The following GLYR1 variants were observed in gnomAD, a reference collection of about 807,000 sequenced individuals.
The protein encoded by GLYR1 is cytokine-like nuclear factor N-PAC.
A neutral mutation model predicts 72.7 loss-of-function variants in GLYR1; 21 were observed. That is an observed-to-expected ratio of 0.29 (90% CI 0.20 to 0.42). The LOEUF is 0.42. GLYR1 is among the 10% of genes least tolerant of loss of function. GLYR1 has a pLI of 1.00. For synonymous variants in GLYR1, 392 were observed against 270.2 expected, an observed-to-expected ratio of 1.45 and a Z score of -4.42; for missense variants, 594 against 712.1, an observed-to-expected ratio of 0.83 and a Z score of 1.89.
intron 8 of GLYR1, 40 bp downstream of exon 8, chr16:4,821,507 C>T: frequency 6.2e-7 from 1 of 1,613,914 alleles, no homozygotes. Flanking sequence ...TTTAAGGCCC[C>T]AGGTGAAAAT....
chr16:4,817,794 G>C (rs2083744682), intron 9 of GLYR1, 97 bp from the exon 10 acceptor site: 1 of 776,450 alleles, frequency 1.3e-6, no homozygotes, highest in South Asian at 1.5e-5. Flanking sequence ...TATACAGCTT[G>C]GGGTAGGGGA....
Position 4,811,220 on chromosome 16 carries a change from G to A in GLYR1, c.1537C>T (p.Leu513=), listed in dbSNP as rs371656023. The change falls in exon 15 of 16, where the codon CTG becomes TTG. Residue 513 remains leucine, a synonymous_variant. Coordinates refer to ENST00000321919, the MANE Select transcript of GLYR1 (RefSeq NM_032569.4). ...GTCGGATGGTTGACCGCATCACCCA[G>A]CGCAATGGCTAAGCGGAGATCCTTC... The part of the protein sequence containing the change: ...IQKDLRLAIA[L]GDAVNHPTPM... The A allele has an allele frequency of 6.8e-6, 11 of 1,614,028 alleles. No homozygotes were observed. The highest frequency in any genetic ancestry group is 8.5e-6 in the Non-Finnish European group (10 of 1,180,028).
intron 3 of GLYR1, chr16:4,843,671 A>C: frequency 1.6e-6 from 2 of 1,267,920 alleles, no homozygotes; most frequent in South Asian, 2.5e-5. Flanking sequence ...TACTGTTTAT[A>C]ATATATCGCT....
Position 4,806,969 on chromosome 16 carries a change from G to T in GLYR1, c.1588-1659C>A, listed in dbSNP as rs190676330. On this transcript the variant is annotated intron_variant, in intron 15 of 15. Transcript: ENST00000321919. Reference sequence around the variant, plus strand: ...CTACAGGCGCCCGCCACCACGCCTGGCTAATTTTTTGTATTTTTAGTAGAG... The same window carrying T: ...CTACAGGCGCCCGCCACCACGCCTGTCTAATTTTTTGTATTTTTAGTAGAG... Among the ~76,000 whole-genome samples, 1,177 of 151,818 alleles carry T rather than the reference G, an allele frequency of 7.8e-3. 10 individuals carry two copies. Among genetic ancestry groups the T allele is most frequent in the African/African-American group, 0.027 (1,125 of 41,406 alleles).
chr16:4,832,146 C>G lies in GLYR1; in HGVS notation c.370G>C (p.Asp124His). 6.2e-7 allele frequency: 1 copy of G among 1,614,216 alleles called. No homozygotes were observed. Among genetic ancestry groups the G allele is most frequent in the Non-Finnish European group, 8.5e-7 (1 of 1,180,042 alleles). Residue 124 changes from aspartate to histidine, a missense_variant, in exon 5 of 16, where the codon GAT becomes CAT. Asp to His is a moderately conservative substitution (Grantham distance 81). Transcript: ENST00000321919. ...GACAGGCTAAGTTTGCGCTTCTCAT[C>G]ACCTGAGTTTGGCCTACTTCTCTCC... Reference protein sequence around the residue: ...SEERSRPNSGDEKRKLSLSEG... With the variant: ...SEERSRPNSGHEKRKLSLSEG...
intron 10 of GLYR1, 126 bp from the exon 11 acceptor site, chr16:4,814,773 T>G: frequency 2.7e-6 from 2 of 736,280 alleles, no homozygotes; most frequent in East Asian, 5.4e-5. Context: ...GCCGGGAGCC[T>G]GGGTCATGGA....
rs373277514 is a variant in GLYR1 at position 4,820,318 on chromosome 16, G to GA, written c.806+1061dup. On this transcript the variant is annotated intron_variant, in intron 9 of 15. Coordinates refer to ENST00000321919, the MANE Select transcript of GLYR1 (RefSeq NM_032569.4). ...GTTCTGGATTTTTAATATGGCAACT[G>GA]AGAGTCCTTCACACTGTGTCTCAGA... 7.2e-3 allele frequency among the ~76,000 whole-genome samples: 1,100 copies of GA among 152,280 alleles called. 20 individuals carry two copies. The highest frequency in any genetic ancestry group is 0.025 in the African/African-American group (1,027 of 41,552).
At chr16:4,810,740 G>T (rs11076847) in intron 15 of GLYR1, among the ~76,000 whole-genome samples, 1 of 137,540 alleles carries the variant, frequency 7.3e-6, no homozygotes, top group African/African-American at 2.8e-5. Flanking sequence ...AAAATTAGCC[G>T]GGCGTGGTGG....
At chr16:4,806,957 C>A (rs2083020942) in intron 15 of GLYR1, among the ~76,000 whole-genome samples, 1 of 151,702 alleles carries the variant, frequency 6.6e-6, no homozygotes, top group Non-Finnish European at 1.5e-5. Flanking sequence ...CAGGCGCCCG[C>A]CACCACGCCT....
intron 5 of GLYR1, among the ~76,000 whole-genome samples, chr16:4,830,609 C>T (rs1229287516): frequency 6.6e-6 from 1 of 152,152 alleles, no homozygotes; most frequent in African/African-American, 2.4e-5. Flanking sequence ...GTCTAATGTT[C>T]CATCATGGCC....
Position 4,831,880 on chromosome 16 carries a change from G to C in GLYR1, c.537+99C>G, listed in dbSNP as rs1272817996. The stretch of plus-strand genomic sequence containing the variant: ...ATTCTGCTCCCACTCCATGAGCAGA[G>C]TATAGATAAGCATACTACATAAGCA... On this transcript the variant is annotated intron_variant, in intron 5 of 15. Coordinates refer to ENST00000321919, the MANE Select transcript of GLYR1 (RefSeq NM_032569.4). The C allele has an allele frequency of 1.7e-5, 25 of 1,484,940 alleles. No homozygotes were observed. In the East Asian group the frequency reaches 4.6e-4, roughly 27 times the overall value. 92.0% of individuals were successfully genotyped at this position (1,484,940 alleles called of 1,614,324 possible).
intron 3 of GLYR1, among the ~76,000 whole-genome samples, chr16:4,838,623 G>A (rs1304831795): frequency 6.7e-6 from 1 of 150,070 alleles, no homozygotes; most frequent in Non-Finnish European, 1.5e-5. Context: ...GTCTCACTCT[G>A]TTGCCCAGGC....
chr16:4,837,944 T>G (rs1056622386), intron 3 of GLYR1, among the ~76,000 whole-genome samples: 12 of 127,954 alleles, frequency 9.4e-5, no homozygotes, highest in African/African-American at 3.4e-4. Flanking sequence ...AATAAATAAA[T>G]AAATAAATAA....
At chr16:4,817,574 C>G (rs1397380009) in intron 10 of GLYR1, 24 bp downstream of exon 10, 2 of 1,458,468 alleles carry the variant, frequency 1.4e-6, no homozygotes, top group South Asian at 1.1e-5. Flanking sequence ...ACCGATCCAA[C>G]AGGCACCACC....
At chr16:4,829,852 T>A (rs1199385282) in intron 5 of GLYR1, among the ~76,000 whole-genome samples, 1 of 152,116 alleles carries the variant, frequency 6.6e-6, no homozygotes, top group African/African-American at 2.4e-5. Flanking sequence ...TTTGTATTTT[T>A]AGTAGAGACG....
At position 4,831,730 on chromosome 16, in the gene GLYR1, T is replaced by C. The variant is rs534927876; in HGVS notation, c.537+249A>G. On this transcript the variant is annotated intron_variant, in intron 5 of 15. Coordinates refer to ENST00000321919, the MANE Select transcript of GLYR1 (RefSeq NM_032569.4). ...CTCCATCACCCAGGCTAGAATGCAG[T>C]GGTGCAATCGGCTCAATGCAACTTT... 8.6e-4 allele frequency among the ~76,000 whole-genome samples: 131 copies of C among 152,338 alleles called. 1 individual carries two copies. The highest frequency in any genetic ancestry group is 1.4e-3 in the Non-Finnish European group (96 of 68,034).
At position 4,845,168 on chromosome 16, in the gene GLYR1, G is replaced by C. The variant is rs769566380; in HGVS notation, c.76-15C>G. On this transcript the variant is annotated splice_polypyrimidine_tract_variant and intron_variant, in intron 2 of 15. Coordinates refer to ENST00000321919, the MANE Select transcript of GLYR1 (RefSeq NM_032569.4). Reference sequence around the variant, plus strand: ...GGATTAACAATCTGGAGGATAAAAGGGGGGAAAAAGGTTGGCTGGCAACAC... The same window carrying C: ...GGATTAACAATCTGGAGGATAAAAGCGGGGAAAAAGGTTGGCTGGCAACAC... The C allele has an allele frequency of 8.1e-6, 13 of 1,605,484 alleles. No homozygotes were observed. The highest frequency in any genetic ancestry group is 5.4e-5 in the African/African-American group (4 of 74,762).
intron 10 of GLYR1, among the ~76,000 whole-genome samples, chr16:4,815,546 CTA>C (rs201539213): frequency 0.011 from 1,671 of 152,254 alleles, 38 homozygotes; most frequent in African/African-American, 0.038. Flanking sequence ...CAAAACTTCT[CTA>C]TGTTTTAAAT....
intron 4 of GLYR1, 156 bp downstream of exon 4, chr16:4,832,618 G>C (rs374206100): frequency 2.2e-6 from 2 of 926,020 alleles, no homozygotes; most frequent in East Asian, 2.5e-5. Context: ...GTTTCAAACT[G>C]ATAAGCAAAA....
Sources: gnomAD v4.1 joint callset for allele counts (sites outside exome capture counted in the v4.1 genomes callset) on GRCh38, gnomAD v4.1.1 for gene constraint, MANE v1.5 for transcripts, NCBI Gene and HGNC (gene_info 2026-07-23, HGNC 2026-07-21) for gene names.